CAST: variants seen among roughly 807,000 people sequenced by gnomAD.
CAST encodes calpastatin.
CAST carries 76 observed loss-of-function variants against 119.6 expected under a neutral mutation model. The observed-to-expected ratio is 0.64, with a 90% CI of 0.53 to 0.77. CAST has a LOEUF of 0.77. Ranked by LOEUF, CAST falls within the 30% of genes least tolerant of loss-of-function variation. The pLI, the probability that CAST is intolerant of heterozygous loss-of-function variation, is 0.00. For synonymous variants in CAST, 319 were observed against 331.6 expected (o/e 0.96, Z 0.41); for missense variants, 953 against 946.5 (o/e 1.01, Z -0.09).
the CAST span, among the ~76,000 whole-genome samples, chr5:96,452,630 TAAAGTA>T: frequency 7.7e-3 from 659 of 86,014 alleles, 5 homozygotes; most frequent in Non-Finnish European, 0.01. Flanking sequence ...GTCCAGAACT[TAAAGTA>T]TAATAAAAAA....
upstream of CAST, among the ~76,000 whole-genome samples, chr5:96,526,262 T>C (rs1320848549): frequency 1.3e-5 from 2 of 152,210 alleles, no homozygotes; most frequent in Non-Finnish European, 2.9e-5. Flanking sequence ...CTGAGACTTA[T>C]ATAGCATTCT....
intron 1 of CAST, among the ~76,000 whole-genome samples, chr5:96,606,437 A>T (rs563544649): frequency 6.6e-6 from 1 of 152,248 alleles, no homozygotes; most frequent in Non-Finnish European, 1.5e-5. Flanking sequence ...TAGTGTACTC[A>T]GCCCAGGGCT....
chr5:96,180,498 C>T, the CAST span, among the ~76,000 whole-genome samples: 1 of 152,170 alleles, frequency 6.6e-6, no homozygotes, highest in Non-Finnish European at 1.5e-5. Flanking sequence ...AATGGTCCTT[C>T]ACATTCTCAG....
chr5:96,454,293 A>G, the CAST span, among the ~76,000 whole-genome samples: 1 of 152,228 alleles, frequency 6.6e-6, no homozygotes, highest in African/African-American at 2.4e-5. Flanking sequence ...AGCCAGAGAT[A>G]TCAAATAACC....
chr5:96,108,887 A>G, the CAST span, among the ~76,000 whole-genome samples: 100,080 of 152,172 alleles, frequency 0.66, 33,368 homozygotes, highest in African/African-American at 0.74. Flanking sequence ...CTCCGTGGGC[A>G]TAGGACCCTC....
At chr5:96,341,696 A>G in the CAST span, among the ~76,000 whole-genome samples, 30 of 152,302 alleles carry the variant, frequency 2.0e-4, no homozygotes, top group East Asian at 4.8e-3. Flanking sequence ...CCTCTGTCAT[A>G]ATAAATGATA....
chr5:96,207,728 T>A, the CAST span, among the ~76,000 whole-genome samples: 1 of 152,136 alleles, frequency 6.6e-6, no homozygotes, highest in Admixed American at 6.6e-5. Context: ...TTTGCATCTA[T>A]GTTCATCATG....
chr5:96,044,071 A>G, the CAST span, among the ~76,000 whole-genome samples: 5 of 152,232 alleles, frequency 3.3e-5, no homozygotes, highest in African/African-American at 1.2e-4. Context: ...GTGGGAAATA[A>G]CAAAACCTAA....
At chr5:96,129,081 T>C in the CAST span, among the ~76,000 whole-genome samples, 2 of 152,098 alleles carry the variant, frequency 1.3e-5, no homozygotes, top group African/African-American at 2.4e-5. Flanking sequence ...TACCTAGCAA[T>C]AGAGACCATG....
chr5:96,490,274 C>T, the CAST span, among the ~76,000 whole-genome samples: 1 of 152,112 alleles, frequency 6.6e-6, no homozygotes, highest in Non-Finnish European at 1.5e-5. Flanking sequence ...CCCAACTGGC[C>T]CCTAACCAAG....
the CAST span, among the ~76,000 whole-genome samples, chr5:96,054,512 C>T: frequency 4.6e-5 from 7 of 152,176 alleles, no homozygotes; most frequent in South Asian, 4.1e-4. Flanking sequence ...GCAAAAACCA[C>T]GCACTGGGAA....
chr5:96,647,996 T>C (rs1209106707), intron 1 of CAST, among the ~76,000 whole-genome samples: 1 of 152,228 alleles, frequency 6.6e-6, no homozygotes, highest in Non-Finnish European at 1.5e-5. Context: ...AAATGCCCCT[T>C]GTGAATTTGA....
chr5:96,321,291 C>T, the CAST span, among the ~76,000 whole-genome samples: 2 of 152,170 alleles, frequency 1.3e-5, no homozygotes, highest in Non-Finnish European at 2.9e-5. Context: ...ACACCCCAAC[C>T]CCACTCCAAC....
chr5:96,099,418 T>G, the CAST span, among the ~76,000 whole-genome samples: 1 of 152,218 alleles, frequency 6.6e-6, no homozygotes, highest in East Asian at 1.9e-4. Context: ...TCAAGGGGAA[T>G]GCTTCCAACT....
At chr5:96,083,654 G>GT in the CAST span, among the ~76,000 whole-genome samples, 1 of 152,346 alleles carries the variant, frequency 6.6e-6, no homozygotes, top group East Asian at 1.9e-4. Flanking sequence ...CTGTAGAATT[G>GT]TTTTGGCTTG....
At chr5:96,766,295 G>A in intron 27 of CAST, 150 bp downstream of exon 27, 1 of 555,910 alleles carries the variant, frequency 1.8e-6, no homozygotes, top group East Asian at 3.0e-5. Flanking sequence ...AAGCCGACCA[G>A]CAGGTAAATA....
At chr5:95,977,666 T>A in the CAST span, among the ~76,000 whole-genome samples, 1 of 152,190 alleles carries the variant, frequency 6.6e-6, no homozygotes, top group Non-Finnish European at 1.5e-5. Context: ...CACTTTTTTT[T>A]AAGTTCAGGG....
chr5:96,654,955 G>A (rs1748138997), intron 1 of CAST, among the ~76,000 whole-genome samples: 1 of 151,990 alleles, frequency 6.6e-6, no homozygotes, highest in Non-Finnish European at 1.5e-5. Flanking sequence ...ACATAAACTG[G>A]GAAAATAAAA....
chr5:96,258,324 A>G, the CAST span, among the ~76,000 whole-genome samples: 4 of 152,188 alleles, frequency 2.6e-5, no homozygotes, highest in African/African-American at 4.8e-5. Context: ...CCTCTGTTTC[A>G]GAAAAATTGT....
Sources: allele counts gnomAD v4.1 joint callset (sites outside exome capture counted in the v4.1 genomes callset), GRCh38; gene constraint gnomAD v4.1.1; transcripts MANE v1.5; gene names NCBI Gene and HGNC (gene_info 2026-07-23, HGNC 2026-07-21).